Variants in MPP1 observed in about 807,000 individuals in gnomAD.
The protein encoded by MPP1 is MAGUK p55 scaffold protein 1, also known as 55 kDa erythrocyte membrane protein.
A neutral mutation model predicts 38.2 loss-of-function variants in MPP1; 6 were observed. That is an observed-to-expected ratio of 0.16 (90% CI 0.09 to 0.31). The LOEUF is 0.31. MPP1 is among the 10% of genes least tolerant of loss of function. The pLI is 1.00. For missense variants in MPP1, 293 were observed against 368.9 expected (o/e 0.79, Z 1.69); for synonymous variants, 153 against 146.3 (o/e 1.05, Z -0.33).
intron 11 of MPP1, 150 bp from the exon 12 acceptor site, chrX:154,779,503 A>T: frequency 3.8e-6 from 2 of 532,581 alleles, no homozygotes; most frequent in South Asian, 6.9e-5. Context: ...AAAGAATGTT[A>T]ATGTAGGGCA....
At chrX:154,797,045 C>G in intron 1 of MPP1, among the ~76,000 whole-genome samples, 1 of 112,029 alleles carries the variant, frequency 8.9e-6, no homozygotes, top group Non-Finnish European at 1.9e-5. Flanking sequence ...GAGACTCTAT[C>G]TCTGGAAAAA....
Position 154,799,922 on chromosome X carries a change from A to T in MPP1, c.102+5350T>A, listed in dbSNP as rs1191809828. The T allele has an allele frequency of 2.2e-5, 20 of 902,815 alleles. No individual in the cohort carries two copies. In the African/African-American group the frequency reaches 3.6e-4, roughly 16 times the overall value. 74.4% of individuals were successfully genotyped at this position (902,815 alleles called of 1,213,427 possible). ...GAATTTAAAAAGAGATGAAAAACAA[A>T]CTTGGCGGGGGGCGGGCGGTGGCGG... On this transcript the variant is annotated intron_variant, in intron 1 of 11. Coordinates refer to ENST00000369534, the MANE Select transcript of MPP1 (RefSeq NM_002436.4).
intron 1 of MPP1, among the ~76,000 whole-genome samples, chrX:154,798,573 T>C (rs1220812189): frequency 1.8e-5 from 2 of 111,712 alleles, no homozygotes; most frequent in Non-Finnish European, 3.8e-5. Context: ...GACAAAATCA[T>C]AGAGACATTG....
chrX:154,786,828 G>A (rs2072080716), intron 5 of MPP1, among the ~76,000 whole-genome samples: 1 of 102,280 alleles, frequency 9.8e-6, no homozygotes, highest in Non-Finnish European at 2.0e-5. Context: ...CCCGGGAGGT[G>A]GAGCTTGCAG....
At chrX:154,791,223 C>T in intron 3 of MPP1, 155 bp from the exon 4 acceptor site, 1 of 494,599 alleles carries the variant, frequency 2.0e-6, no homozygotes, top group Non-Finnish European at 3.4e-6. Context: ...TTTGACTTGA[C>T]AGTTTAAGAT....
At chrX:154,786,023 G>A (rs1482289647) in intron 6 of MPP1, among the ~76,000 whole-genome samples, 181 bp downstream of exon 6, 2 of 112,180 alleles carry the variant, frequency 1.8e-5, no homozygotes, top group Non-Finnish European at 3.8e-5. Context: ...TCCCTTGCCT[G>A]TGGTTGCCTC....
At position 154,786,265 on chromosome X, in the gene MPP1, G is replaced by A. The variant is rs782521600; in HGVS notation, c.616C>T (p.Arg206Trp). The A allele has an allele frequency of 2.4e-5, 29 of 1,209,973 alleles. No individual in the cohort carries two copies. The highest frequency in any genetic ancestry group is 2.3e-4 in the Middle Eastern group (1 of 4,354). ...NKDDSNWWQG[R>W]VEGSSKESAG... ...GACTCCTTGGAGGAGCCTTCCACCC[G>A]TCCCTGCCACCAATTGCTGTCATCC... is the stretch of plus-strand genomic sequence containing the variant. Residue 206 changes from arginine (R) to tryptophan (W), a missense_variant, in exon 6 of 12, where the codon CGG (arginine) becomes TGG (tryptophan). Physicochemically the swap from Arg to Trp is moderately radical, Grantham distance 101. Transcript: ENST00000369534.
At chrX:154,798,642 CTAT>C (rs2072224857) in intron 1 of MPP1, among the ~76,000 whole-genome samples, 1 of 112,300 alleles carries the variant, frequency 8.9e-6, no homozygotes, top group Non-Finnish European at 1.9e-5. Context: ...ACAAGTGTGA[CTAT>C]AAAGCGACAG....
At chrX:154,801,786 A>C (rs2072268373) in intron 1 of MPP1, among the ~76,000 whole-genome samples, 1 of 67,137 alleles carries the variant, frequency 1.5e-5, no homozygotes, top group Non-Finnish European at 2.6e-5. Flanking sequence ...AAAAAAAAAA[A>C]CAAAAAACAG....
In MPP1 at chrX:154,792,266, T is replaced by G; in HGVS notation, c.122A>C (p.Asn41Thr). The G allele has an allele frequency of 8.3e-7, 1 of 1,208,821 alleles. No homozygotes were observed. The highest frequency in any genetic ancestry group is 1.8e-5 in the South Asian group (1 of 56,739). The stretch of plus-strand genomic sequence containing the variant: ...GGTGTACATGTCCTCGGTCACAGTA[T>G]TCAATGGATGCGATACAGCCTGCCA... The part of the protein sequence containing the change: ...SRPEAVSHPL[N>T]TVTEDMYTNG... Residue 41 changes from asparagine to threonine, a missense_variant, in exon 2 of 12, where the codon AAT (asparagine) becomes ACT (threonine). Asn to Thr is a moderately conservative substitution (Grantham distance 65). Coordinates refer to ENST00000369534, the MANE Select transcript of MPP1 (RefSeq NM_002436.4).
chrX:154,785,272 G>A, intron 6 of MPP1, 115 bp from the exon 7 acceptor site: 3 of 544,457 alleles, frequency 5.5e-6, no homozygotes, highest in Non-Finnish European at 8.6e-6. Context: ...ATTACAGTGG[G>A]AGATAATGTG....
intron 5 of MPP1, among the ~76,000 whole-genome samples, chrX:154,788,410 C>T: frequency 9.0e-6 from 1 of 111,393 alleles, no homozygotes; most frequent in Admixed American, 9.5e-5. Flanking sequence ...AGGAGTTTAC[C>T]CTCATTAGTC....
intron 5 of MPP1, among the ~76,000 whole-genome samples, chrX:154,787,047 ATATC>A (rs1418260266): frequency 3.7e-5 from 4 of 109,069 alleles, no homozygotes; most frequent in Admixed American, 2.0e-4. Context: ...ATGGACACTC[ATATC>A]TATCAAAGAA....
chrX:154,790,307 G>A (rs1557267599), intron 4 of MPP1, among the ~76,000 whole-genome samples: 2 of 111,036 alleles, frequency 1.8e-5, no homozygotes, highest in African/African-American at 6.6e-5. Context: ...TGAGGTGGGC[G>A]CATCGTCTGA....
At chrX:154,801,378 G>A (rs782238777) in intron 1 of MPP1, among the ~76,000 whole-genome samples, 56 of 111,088 alleles carry the variant, frequency 5.0e-4, no homozygotes, top group African/African-American at 1.8e-3. Flanking sequence ...AGAATAGAAC[G>A]TTCATGATGA....
chrX:154,783,529 T>C (rs1557266874), intron 8 of MPP1, 22 bp from the exon 9 acceptor site: 1 of 1,165,951 alleles, frequency 8.6e-7, no homozygotes, highest in Non-Finnish European at 1.2e-6. Flanking sequence ...GAGAAGAACA[T>C]CTTTTGGAAA....
At chrX:154,785,250 C>T in intron 6 of MPP1, 93 bp from the exon 7 acceptor site, 1 of 605,327 alleles carries the variant, frequency 1.7e-6, no homozygotes, top group Non-Finnish European at 2.5e-6. Context: ...CCCCTTCACT[C>T]TCTGAGTGTC....
At position 154,800,908 on chromosome X, in the gene MPP1, A is replaced by T. The variant is rs913029348; in HGVS notation, c.102+4364T>A. ...GCAAGGAAGATAACTTTTGAGGGAA[A>T]ACCTATTATGTGTTTTGTTCATGTA... On this transcript the variant is annotated intron_variant, in intron 1 of 11. Coordinates refer to ENST00000369534, the MANE Select transcript of MPP1 (RefSeq NM_002436.4). Among the ~76,000 whole-genome samples, 4 of 112,523 alleles carry T rather than the reference A, an allele frequency of 3.6e-5. No homozygotes were observed. The East Asian group carries it at 1.1e-3, about 31-fold the overall frequency.
intron 1 of MPP1, chrX:154,804,840 G>T (rs1209946166): frequency 2.9e-6 from 1 of 346,000 alleles, no homozygotes; most frequent in Admixed American, 3.1e-5. Flanking sequence ...AAATGAAGAG[G>T]AACAGTGAGT....
Sources: gnomAD v4.1 joint callset for allele counts (sites outside exome capture counted in the v4.1 genomes callset) on GRCh38, gnomAD v4.1.1 for gene constraint, MANE v1.5 for transcripts, NCBI Gene and HGNC (gene_info 2026-07-23, HGNC 2026-07-21) for gene names.